Variants in GALNT6 observed in about 807,000 individuals in gnomAD.
The protein encoded by GALNT6 is polypeptide N-acetylgalactosaminyltransferase 6.
Under a neutral mutation model 65.9 loss-of-function variants are expected in GALNT6, and 51 were observed. The observed-to-expected ratio is 0.77, with a 90% CI of 0.62 to 0.98. GALNT6 has a LOEUF of 0.98. Ranked by LOEUF, GALNT6 falls within the 50% of genes least tolerant of loss-of-function variation. The pLI is 0.00. For synonymous variants in GALNT6, 323 were observed against 315.1 expected (o/e 1.02, Z -0.26); for missense variants, 708 against 803.3 (o/e 0.88, Z 1.43).
chr12:51,386,580 G>T (rs943366061), intron 2 of GALNT6, among the ~76,000 whole-genome samples: 1 of 152,198 alleles, frequency 6.6e-6, no homozygotes, highest in Non-Finnish European at 1.5e-5. Flanking sequence ...CGTGGCAGCA[G>T]GAAGCAAGCA....
At chr12:51,381,195 G>A (rs893166929) in intron 2 of GALNT6, among the ~76,000 whole-genome samples, 9 of 152,154 alleles carry the variant, frequency 5.9e-5, no homozygotes, top group East Asian at 3.8e-4. Flanking sequence ...AGCTATAATC[G>A]CACCATTGCT....
chr12:51,377,833 T>C (rs1326159179), intron 3 of GALNT6, among the ~76,000 whole-genome samples: 1 of 152,224 alleles, frequency 6.6e-6, no homozygotes, highest in African/African-American at 2.4e-5. Context: ...AAAAGGCTCT[T>C]CCCTTTACAG....
Position 51,379,510 on chromosome 12 carries a change from G to C in GALNT6, c.272C>G (p.Pro91Arg). 1 of 1,614,182 alleles carries C rather than the reference G, an allele frequency of 6.2e-7. No individual in the cohort carries two copies. Among genetic ancestry groups the C allele is most frequent in the Non-Finnish European group, 8.5e-7 (1 of 1,180,016 alleles). Residue 91 changes from proline to arginine, a missense_variant, in exon 3 of 12, where the codon CCT becomes CGT. Transcript: ENST00000356317. ...TLFSINQSCL[P>R]GFYTPAELKP... ...CAGTTCAGCTGGGGTATAGAACCCA[G>C]GGAGGCAGGACTGGTTTATGGAGAA...
chr12:51,371,056 TTATTATTA>T (rs1365084561), intron 4 of GALNT6, among the ~76,000 whole-genome samples: 102 of 2,464 alleles, frequency 0.041, 2 homozygotes, highest in East Asian at 0.16. Flanking sequence ...TTTTAAAAAA[TTATTATTA>T]TTATTATTAT....
intron 4 of GALNT6, among the ~76,000 whole-genome samples, chr12:51,370,198 C>T (rs527588112): frequency 3.9e-5 from 6 of 152,318 alleles, no homozygotes; most frequent in Admixed American, 6.5e-5. Context: ...AGCGAATGAA[C>T]GGACAAACAA....
At chr12:51,375,747 G>A (rs534113983) in intron 4 of GALNT6, among the ~76,000 whole-genome samples, 4 of 151,938 alleles carry the variant, frequency 2.6e-5, no homozygotes, top group South Asian at 4.2e-4. Context: ...TAGTAGATAC[G>A]GGGTTTCACC....
chr12:51,373,964 A>G (rs1592338929), intron 4 of GALNT6, among the ~76,000 whole-genome samples: 1 of 152,180 alleles, frequency 6.6e-6, no homozygotes, highest in Non-Finnish European at 1.5e-5. Flanking sequence ...GGCTCAAGCA[A>G]TCCTTCCACC....
At chr12:51,384,555 G>A (rs1319682784) in intron 2 of GALNT6, among the ~76,000 whole-genome samples, 1 of 152,044 alleles carries the variant, frequency 6.6e-6, no homozygotes, top group African/African-American at 2.4e-5. Context: ...AGCCAGGCAT[G>A]GTGGCATGTG....
At chr12:51,376,565 G>A (rs931368011) in intron 4 of GALNT6, among the ~76,000 whole-genome samples, 14 of 151,348 alleles carry the variant, frequency 9.3e-5, no homozygotes, top group Middle Eastern at 6.8e-3. Flanking sequence ...CCTGGGAGGC[G>A]GAGGTTGTGG....
At chr12:51,369,724 G>T (rs538023204) in intron 4 of GALNT6, among the ~76,000 whole-genome samples, 1 of 152,084 alleles carries the variant, frequency 6.6e-6, no homozygotes, top group Non-Finnish European at 1.5e-5. Context: ...TCTCCCTCAC[G>T]TCAGTACACG....
Position 51,352,817 on chromosome 12 carries a change from G to C in GALNT6, c.*1562C>G, listed in dbSNP as rs1208034880. 2.0e-5 allele frequency: 3 copies of C among 152,232 alleles called. No individual in the cohort carries two copies. The highest frequency in any genetic ancestry group is 7.2e-5 in the African/African-American group (3 of 41,438). The allele number at this position is 152,232 out of a possible 1,614,324, so 9.4% of individuals were successfully genotyped here. On this transcript the variant is annotated 3_prime_UTR_variant, in exon 12 of 12. Coordinates refer to ENST00000356317, the MANE Select transcript of GALNT6 (RefSeq NM_007210.4). ...CTCTTGAGTAGCTGGGATTACAGGT[G>C]TGCGCCACCATGCCTGGCTAATTTT...
intron 10 of GALNT6, 114 bp from the exon 11 acceptor site, chr12:51,356,072 C>A: frequency 1.1e-6 from 1 of 893,634 alleles, no homozygotes; most frequent in South Asian, 1.6e-5. Flanking sequence ...GAATGTGAGG[C>A]CATGCCAAGA....
At chr12:51,375,966 T>C (rs893877467) in intron 4 of GALNT6, among the ~76,000 whole-genome samples, 1 of 151,964 alleles carries the variant, frequency 6.6e-6, no homozygotes, top group African/African-American at 2.4e-5. Context: ...GTTCAGGTGA[T>C]TCTTGTGCCT....
intron 4 of GALNT6, among the ~76,000 whole-genome samples, chr12:51,376,376 G>A (rs1001883166): frequency 8.6e-5 from 13 of 151,896 alleles, no homozygotes; most frequent in African/African-American, 2.9e-4. Context: ...GCTCATGCCT[G>A]TAATCCCAGC....
intron 7 of GALNT6, chr12:51,359,882 C>T (rs930425130): frequency 1.3e-5 from 2 of 152,264 alleles, no homozygotes; most frequent in African/African-American, 4.8e-5. Context: ...GGCAGGTGAC[C>T]CTTTTCTATG....
intron 6 of GALNT6, 135 bp downstream of exon 6, chr12:51,363,986 A>G: frequency 1.4e-6 from 1 of 705,886 alleles, no homozygotes; most frequent in South Asian, 1.7e-5. Context: ...CCTGCTTCAT[A>G]GGGAGTGAGG....
chr12:51,374,006 C>T (rs573192374), intron 4 of GALNT6, among the ~76,000 whole-genome samples: 1 of 148,936 alleles, frequency 6.7e-6, no homozygotes, highest in South Asian at 2.1e-4. Context: ...ACCACAGGCA[C>T]ATGCCACCGT....
At chr12:51,359,049 GT>G in intron 8 of GALNT6, 82 bp downstream of exon 8, 1 of 1,078,774 alleles carries the variant, frequency 9.3e-7, no homozygotes, top group South Asian at 1.4e-5. Context: ...GATGAGGTGG[GT>G]CCCAGCCATT....
rs770592013 is a variant in GALNT6, at chr12:51,358,240, C to A, written c.1390G>T (p.Glu464Ter). The change falls in exon 9 of 12, where the codon GAA (glutamate) becomes TAA (stop). Residue 464 changes from glutamate (E) to a stop codon, truncating the protein, a stop_gained. Coordinates refer to ENST00000356317, the MANE Select transcript of GALNT6 (RefSeq NM_007210.4). LOFTEE classifies it high-confidence loss of function. ...AQEKSFGDISERLQLREQLHC... is the reference protein window; with the variant it reads ...AQEKSFGDIS ...AGTTGTTCCCTCAGCTGCAGTCGTTCCGAAATGTCACCGAAGGATTTCTGT... is the reference window on the plus strand; with the variant it reads ...AGTTGTTCCCTCAGCTGCAGTCGTTACGAAATGTCACCGAAGGATTTCTGT... 1 of 1,613,718 alleles carries A rather than the reference C, an allele frequency of 6.2e-7. No individual in the cohort carries two copies. The highest frequency in any genetic ancestry group is 1.1e-5 in the South Asian group (1 of 91,060).
Sources: gnomAD v4.1 joint callset for allele counts (sites outside exome capture counted in the v4.1 genomes callset) on GRCh38, gnomAD v4.1.1 for gene constraint, MANE v1.5 for transcripts, NCBI Gene and HGNC (gene_info 2026-07-23, HGNC 2026-07-21) for gene names.